The following FRMD4A variants were observed in gnomAD, a reference collection of about 807,000 sequenced individuals.
The protein encoded by FRMD4A is FERM domain-containing protein 4A.
Under a neutral mutation model 129.1 loss-of-function variants are expected in FRMD4A, and 29 were observed. The observed-to-expected ratio is 0.22, with a 90% confidence interval of 0.17 to 0.31. FRMD4A has a LOEUF of 0.31. Among genes scored for constraint, FRMD4A ranks in the 10% least tolerant of loss-of-function variants. The pLI, the probability that FRMD4A is intolerant of heterozygous loss-of-function variation, is 1.00. For missense variants in FRMD4A, 1,272 were observed against 1,375.8 expected (o/e 0.92, Z 1.19); for synonymous variants, 634 against 571.6 (o/e 1.11, Z -1.56).
chr10:13,927,239 C>T (rs1282805548), intron 2 of FRMD4A, among the ~76,000 whole-genome samples: 2 of 138,666 alleles, frequency 1.4e-5, no homozygotes, highest in East Asian at 2.1e-4. Context: ...AGTGACAAAG[C>T]AAGACTCCGT....
chr10:14,186,737 C>T (rs1842157167), intron 2 of FRMD4A, among the ~76,000 whole-genome samples: 1 of 152,132 alleles, frequency 6.6e-6, no homozygotes, highest in African/African-American at 2.4e-5. Flanking sequence ...AGATGTTGCG[C>T]TCAGCCCCAG....
At chr10:13,669,117 A>C (rs1349146223) in intron 17 of FRMD4A, among the ~76,000 whole-genome samples, 1 of 136,752 alleles carries the variant, frequency 7.3e-6, no homozygotes, top group Non-Finnish European at 1.5e-5. Flanking sequence ...GCTGGAGTGC[A>C]GTGGCGCAAC....
intron 3 of FRMD4A, among the ~76,000 whole-genome samples, chr10:13,811,718 G>T (rs955949148): frequency 6.6e-6 from 1 of 152,128 alleles, no homozygotes; most frequent in Non-Finnish European, 1.5e-5. Context: ...GCACTGAAGT[G>T]GGGGAGGGAG....
At chr10:13,860,374 G>A (rs1040483345) in intron 2 of FRMD4A, among the ~76,000 whole-genome samples, 2 of 152,210 alleles carry the variant, frequency 1.3e-5, no homozygotes, top group South Asian at 2.1e-4. Context: ...CAATGGCTAT[G>A]CTTTATAATT....
intron 2 of FRMD4A, among the ~76,000 whole-genome samples, chr10:14,123,686 C>A (rs906847323): frequency 1.3e-5 from 2 of 152,194 alleles, no homozygotes; most frequent in African/African-American, 4.8e-5. Flanking sequence ...CCTTTCAGAG[C>A]CTTCAAGAAT....
chr10:14,013,432 A>T (rs1180947536), intron 2 of FRMD4A, among the ~76,000 whole-genome samples: 1 of 152,136 alleles, frequency 6.6e-6, no homozygotes, highest in Non-Finnish European at 1.5e-5. Context: ...CCTCACCTCC[A>T]GGCTGTAGGA....
chr10:14,318,477 A>C (rs1846836883), intron 2 of FRMD4A, among the ~76,000 whole-genome samples: 1 of 152,168 alleles, frequency 6.6e-6, no homozygotes, highest in Admixed American at 6.5e-5. Flanking sequence ...GAGGTCACAG[A>C]GCAGGCTGAC....
chr10:13,923,841 G>C (rs1197566595), intron 2 of FRMD4A, among the ~76,000 whole-genome samples: 2 of 152,162 alleles, frequency 1.3e-5, no homozygotes, highest in East Asian at 3.9e-4. Context: ...TGCCAGCCCT[G>C]GGGAGGAATG....
In FRMD4A at chr10:14,248,239, T is replaced by C. The variant is rs544619479; in HGVS notation, c.45+81819A>G. 2.0e-5 allele frequency among the ~76,000 whole-genome samples: 3 copies of C among 152,330 alleles called. No individual in the cohort carries two copies. The South Asian group carries it at 6.2e-4, about 32-fold the overall frequency. Reference sequence around the variant, plus strand: ...ATATAAGGAGACCCATCTTCTCCAATGAGAAGTTCTCCCATCAACACTTTA... The same window carrying C: ...ATATAAGGAGACCCATCTTCTCCAACGAGAAGTTCTCCCATCAACACTTTA... On this transcript the variant is annotated intron_variant, in intron 2 of 24. Coordinates refer to ENST00000357447, the MANE Select transcript of FRMD4A (RefSeq NM_018027.5).
At chr10:14,279,302 C>T (rs1845443534) in intron 2 of FRMD4A, among the ~76,000 whole-genome samples, 1 of 150,606 alleles carries the variant, frequency 6.6e-6, no homozygotes, top group African/African-American at 2.4e-5. Context: ...AGTTCTTGTG[C>T]CTGCCTCCCC....
intron 2 of FRMD4A, among the ~76,000 whole-genome samples, chr10:14,113,654 C>G (rs1406406944): frequency 2.0e-5 from 3 of 152,102 alleles, no homozygotes; most frequent in Non-Finnish European, 2.9e-5. Context: ...CATAAAAAAG[C>G]CATTTTCAGA....
chr10:14,163,191 T>A (rs1055873932), intron 2 of FRMD4A, among the ~76,000 whole-genome samples: 2 of 152,254 alleles, frequency 1.3e-5, no homozygotes, highest in African/African-American at 2.4e-5. Context: ...ACTGTATTTT[T>A]AAAACTGGTT....
At chr10:13,994,054 G>C (rs944597498) in intron 2 of FRMD4A, among the ~76,000 whole-genome samples, 1 of 147,428 alleles carries the variant, frequency 6.8e-6, no homozygotes, top group Admixed American at 7.0e-5. Context: ...TCGTTGCCCA[G>C]GCTGGAGTGC....
chr10:13,709,550 ATG>A (rs937278024), intron 12 of FRMD4A, among the ~76,000 whole-genome samples: 2 of 148,194 alleles, frequency 1.3e-5, no homozygotes, highest in Admixed American at 1.3e-4. Flanking sequence ...AAAAAAAAAT[ATG>A]TGTGTGCTGC....
chr10:14,260,130 AAAG>A (rs1033437749), intron 2 of FRMD4A, among the ~76,000 whole-genome samples: 10 of 152,072 alleles, frequency 6.6e-5, no homozygotes, highest in African/African-American at 2.2e-4. Context: ...AACATCGTGG[AAAG>A]AAGAAGACAT....
chr10:13,772,071 C>T lies in FRMD4A; in HGVS notation c.385-9391G>A, dbSNP rs112388402. ...GGCAGAGGTTGCAGTGAGCTGAGAT[C>T]ACGTCACCGCACTCCAGCCTGGGTG... is the stretch of plus-strand genomic sequence containing the variant. On this transcript the variant is annotated intron_variant, in intron 6 of 24. Transcript: ENST00000357447. 4.8e-3 allele frequency among the ~76,000 whole-genome samples: 713 copies of T among 150,090 alleles called. 6 individuals carry two copies. Among genetic ancestry groups the T allele is most frequent in the African/African-American group, 0.015 (607 of 40,810 alleles).
intron 2 of FRMD4A, among the ~76,000 whole-genome samples, chr10:14,209,970 G>A (rs1240995020): frequency 2.6e-5 from 4 of 152,120 alleles, no homozygotes; most frequent in South Asian, 2.1e-4. Context: ...AGGCCACAAG[G>A]CAAGGAGAGT....
chr10:14,137,457 C>T (rs896747968), intron 2 of FRMD4A, among the ~76,000 whole-genome samples: 6 of 152,188 alleles, frequency 3.9e-5, no homozygotes, highest in Non-Finnish European at 8.8e-5. Flanking sequence ...TTCTTCCTCT[C>T]CCATTGAGAT....
intron 2 of FRMD4A, among the ~76,000 whole-genome samples, chr10:14,020,999 C>T (rs1024833518): frequency 1.3e-4 from 20 of 152,142 alleles, no homozygotes; most frequent in South Asian, 4.1e-4. Context: ...TGGACACTTG[C>T]TCTATGTCAC....
Sources: gnomAD v4.1 joint callset for allele counts (sites outside exome capture counted in the v4.1 genomes callset) on GRCh38, gnomAD v4.1.1 for gene constraint, MANE v1.5 for transcripts, NCBI Gene and HGNC (gene_info 2026-07-23, HGNC 2026-07-21) for gene names.